Variants in MRC1 observed in about 807,000 individuals in gnomAD.
The protein encoded by MRC1 is macrophage mannose receptor 1.
A neutral mutation model predicts 102.9 loss-of-function variants in MRC1; 62 were observed. That is an observed-to-expected ratio of 0.60 (90% CI 0.49 to 0.74). The LOEUF is 0.74. MRC1 is among the 30% of genes least tolerant of loss of function. MRC1 has a pLI of 0.00. For missense variants in MRC1, 1,237 were observed against 862.8 expected, an observed-to-expected ratio of 1.43 and a Z score of -5.43; for synonymous variants, 457 against 298.4, an observed-to-expected ratio of 1.53 and a Z score of -5.48.
At chr10:17,884,196 T>A (rs1363188305) in intron 21 of MRC1, among the ~76,000 whole-genome samples, 1 of 152,188 alleles carries the variant, frequency 6.6e-6, no homozygotes, top group Non-Finnish European at 1.5e-5. Flanking sequence ...CTTGAACTCC[T>A]GGCCTCAAGC....
At chr10:17,890,029 G>A (rs967480788) in intron 22 of MRC1, among the ~76,000 whole-genome samples, 1 of 151,942 alleles carries the variant, frequency 6.6e-6, no homozygotes, top group Non-Finnish European at 1.5e-5. Flanking sequence ...TTTTCTCAAT[G>A]TTTGTTTGTC....
chr10:17,837,607 T>C (rs1838687576), intron 4 of MRC1, among the ~76,000 whole-genome samples: 2 of 151,500 alleles, frequency 1.3e-5, no homozygotes, highest in African/African-American at 4.8e-5. Context: ...ATCTTTTTAT[T>C]TTATTTTATT....
rs1156734178 is a variant in MRC1, at chr10:17,897,013, A to T, written c.3251-1021A>T. On this transcript the variant is annotated intron_variant, in intron 23 of 29. Coordinates refer to ENST00000569591, the MANE Select transcript of MRC1 (RefSeq NM_002438.4). ...ATAGTCAACTCTGCTGTGGTCACAGATGATCATAGGCAATACACAAACAAA... is the reference window on the plus strand; with the variant it reads ...ATAGTCAACTCTGCTGTGGTCACAGTTGATCATAGGCAATACACAAACAAA... Among the ~76,000 whole-genome samples, 60 of 152,346 alleles carry T rather than the reference A, an allele frequency of 3.9e-4. 2 individuals carry two copies. The South Asian group carries it at 0.012, about 32-fold the overall frequency.
In MRC1 at chr10:17,833,613, A is replaced by G. The variant is rs35902741; in HGVS notation, c.638-62A>G. On this transcript the variant is annotated intron_variant, in intron 3 of 29. Coordinates refer to ENST00000569591, the MANE Select transcript of MRC1 (RefSeq NM_002438.4). ...AATGCTCCTAGGTGGTTTAAATAAT[A>G]CTATTCACTGGAAGTGTTTTCTATG... 5.7e-3 allele frequency: 4,434 copies of G among 780,784 alleles called. 141 individuals carry two copies. The African/African-American group carries it at 0.066, about 12-fold the overall frequency. The allele number at this position is 780,784 out of a possible 1,614,324, so 48.4% of individuals were successfully genotyped here. A position where few individuals can be genotyped will look rare whatever the true frequency, so the allele number is the denominator to read the frequency against.
rs35118275 is a variant in MRC1, at chr10:17,903,392, C to CTTTTTTTTTTTTTTTTTTTTTTTT, written c.3799+1291_3799+1292insTTTTTTTTTTTTTTTTTTTTTTTT. Among the ~76,000 whole-genome samples the CTTTTTTTTTTTTTTTTTTTTTTTT allele has an allele frequency of 1.3e-3, 112 of 88,860 alleles. 1 individual carries two copies. Among genetic ancestry groups the CTTTTTTTTTTTTTTTTTTTTTTTT allele is most frequent in the Non-Finnish European group, 2.1e-3 (94 of 45,222 alleles). The allele number at this position is 88,860 out of a possible 152,430, so 58.3% of individuals were successfully genotyped here. ...TTTTCTTTTTCTTTTCTTTTTTTTT[C>CTTTTTTTTTTTTTTTTTTTTTTTT]TTTTTTTTTTTTTTTTTTTTTGAGA... On this transcript the variant is annotated intron_variant, in intron 26 of 29. Coordinates refer to ENST00000569591, the MANE Select transcript of MRC1 (RefSeq NM_002438.4).
In MRC1 at chr10:17,849,718, C is replaced by A; in HGVS notation, c.1203C>A (p.Ile401=). 4 of 780,954 alleles carry A rather than the reference C, an allele frequency of 5.1e-6. No homozygotes were observed. The South Asian group carries it at 5.4e-5, about 10-fold the overall frequency. The allele number at this position is 780,954 out of a possible 1,614,324, so 48.4% of individuals were successfully genotyped here. The change falls in exon 7 of 30, where the codon ATC becomes ATA. Residue 401 remains isoleucine, a synonymous_variant. Transcript: ENST00000569591. ...AGGAAGGCGGTGACCTCACAAGTAT[C>A]CACACCATCGAGGAATTGGACTTTA... ...CRKEGGDLTS[I]HTIEELDFII... is the part of the protein sequence containing the mutation.
chr10:17,845,459 G>A, intron 6 of MRC1, 24 bp downstream of exon 6: 1 of 780,734 alleles, frequency 1.3e-6, no homozygotes, highest in Non-Finnish European at 2.4e-6. Context: ...GGGATCTGAA[G>A]TGCCTCAACT....
At chr10:17,888,763 G>T (rs1422771576) in intron 22 of MRC1, among the ~76,000 whole-genome samples, 1 of 152,204 alleles carries the variant, frequency 6.6e-6, no homozygotes, top group Non-Finnish European at 1.5e-5. Flanking sequence ...GTAGTTTACA[G>T]ATGTCAATGA....
rs1554844094 is a variant in MRC1 at position 17,909,327 on chromosome 10, A to G, written c.4100A>G (p.His1367Arg). ...RPKIIDAKPTHELLTTKADTR... is the reference protein window; with the variant it reads ...RPKIIDAKPTRELLTTKADTR... ...ACAGTTATTGATGCTAAACCTACTCATGAATTACTTACAACAAAAGGTAAG... is the reference window on the plus strand; with the variant it reads ...ACAGTTATTGATGCTAAACCTACTCGTGAATTACTTACAACAAAAGGTAAG... The change falls in exon 29 of 30, where the codon CAT becomes CGT. Residue 1367 changes from histidine to arginine, a missense_variant. By Grantham distance (29) the His-to-Arg change is conservative. Transcript: ENST00000569591. The G allele has an allele frequency of 2.3e-6, 2 of 871,700 alleles. No homozygotes were observed. Among genetic ancestry groups the G allele is most frequent in the Non-Finnish European group, 2.0e-6 (1 of 501,022 alleles). The allele number at this position is 871,700 out of a possible 1,614,324, so 54.0% of individuals were successfully genotyped here. A position where few individuals can be genotyped will look rare whatever the true frequency, so the allele number is the denominator to read the frequency against.
chr10:17,908,290 G>A (rs1356080378), intron 28 of MRC1, among the ~76,000 whole-genome samples: 1 of 152,124 alleles, frequency 6.6e-6, no homozygotes, highest in African/African-American at 2.4e-5. Context: ...TTGTTGGTTT[G>A]TTTGAGACAG....
intron 22 of MRC1, among the ~76,000 whole-genome samples, chr10:17,886,317 C>CCT (rs1833593369): frequency 8.2e-6 from 1 of 122,076 alleles, no homozygotes; most frequent in Non-Finnish European, 1.7e-5. Context: ...CCTTCCTTCC[C>CCT]TCCTTCCTTC....
At chr10:17,857,487 A>G (rs990366101) in intron 9 of MRC1, among the ~76,000 whole-genome samples, 311 of 152,304 alleles carry the variant, frequency 2.0e-3, no homozygotes, top group African/African-American at 7.4e-3. Context: ...TCTTGATAAT[A>G]ATCCTGTTTA....
chr10:17,822,691 C>G (rs1838414455), intron 1 of MRC1, among the ~76,000 whole-genome samples: 1 of 152,176 alleles, frequency 6.6e-6, no homozygotes, highest in Admixed American at 6.5e-5. Flanking sequence ...TTATTGTATT[C>G]GTATTACCCA....
At chr10:17,863,778 T>C (rs1300613699) in intron 11 of MRC1, 96 bp downstream of exon 11, 1 of 694,460 alleles carries the variant, frequency 1.4e-6, no homozygotes, top group Non-Finnish European at 2.6e-6. Flanking sequence ...ATAGACTAGG[T>C]AAATTAGTCA....
intron 1 of MRC1, among the ~76,000 whole-genome samples, chr10:17,819,430 T>G (rs1304616940): frequency 2.0e-5 from 3 of 150,226 alleles, no homozygotes; most frequent in African/African-American, 7.4e-5. Context: ...TGAATTAGGG[T>G]ATATGTATGA....
chr10:17,817,877 A>G (rs990119693), intron 1 of MRC1, among the ~76,000 whole-genome samples: 1 of 152,222 alleles, frequency 6.6e-6, no homozygotes, highest in African/African-American at 2.4e-5. Flanking sequence ...CCTTCAGAGG[A>G]AGAAGTATGA....
At chr10:17,882,512 T>A (rs1185070249) in intron 21 of MRC1, among the ~76,000 whole-genome samples, 6 of 152,168 alleles carry the variant, frequency 3.9e-5, no homozygotes, top group African/African-American at 2.4e-5. Context: ...CTCTTTTGGT[T>A]CAGAGATTCT....
At chr10:17,815,845 G>A (rs1554837815) in intron 1 of MRC1, among the ~76,000 whole-genome samples, 1 of 112,492 alleles carries the variant, frequency 8.9e-6, no homozygotes, top group East Asian at 2.6e-4. Context: ...TTTTTTTTTT[G>A]AGATGGTGTC....
chr10:17,838,711 C>T (rs1039522909), intron 4 of MRC1, among the ~76,000 whole-genome samples: 2 of 152,222 alleles, frequency 1.3e-5, no homozygotes, highest in East Asian at 1.9e-4. Context: ...CAGTGGCTCA[C>T]GCCTGTAACC....
Sources: gnomAD v4.1 joint callset for allele counts (sites outside exome capture counted in the v4.1 genomes callset) on GRCh38, gnomAD v4.1.1 for gene constraint, MANE v1.5 for transcripts, NCBI Gene and HGNC (gene_info 2026-07-23, HGNC 2026-07-21) for gene names.